GPAT3: variants seen among roughly 807,000 people sequenced by gnomAD.
The protein encoded by GPAT3 is 1-AGP acyltransferase 9.
A neutral mutation model predicts 58.8 loss-of-function variants in GPAT3; 53 were observed. That is an observed-to-expected ratio of 0.90 (90% CI 0.72 to 1.13). GPAT3 has a LOEUF of 1.13. GPAT3 is among the 50% of genes most tolerant of loss of function. The pLI, the probability that GPAT3 is intolerant of heterozygous loss-of-function variation, is 0.00. For synonymous variants in GPAT3, 197 were observed against 187.4 expected (o/e 1.05, Z -0.42); for missense variants, 511 against 527.6 (o/e 0.97, Z 0.31).
At chr4:83,541,752 C>T (rs562080002) in intron 1 of GPAT3, among the ~76,000 whole-genome samples, 41 of 152,290 alleles carry the variant, frequency 2.7e-4, no homozygotes, top group Admixed American at 7.2e-4. Context: ...AATTTATTTT[C>T]TCAGTTCTTG....
intron 3 of GPAT3, 67 bp downstream of exon 3, chr4:83,581,899 A>G (rs1726150541): frequency 2.6e-6 from 4 of 1,540,016 alleles, no homozygotes; most frequent in South Asian, 2.6e-5. Context: ...CATGTACATA[A>G]TGGCCACGTA....
intron 6 of GPAT3, among the ~76,000 whole-genome samples, chr4:83,590,642 C>T (rs1726560811): frequency 6.6e-6 from 1 of 152,108 alleles, no homozygotes; most frequent in African/African-American, 2.4e-5. Context: ...TGCACATATC[C>T]CCTAGCCAGC....
chr4:83,539,854 C>A (rs759521897), intron 1 of GPAT3, among the ~76,000 whole-genome samples: 4 of 152,078 alleles, frequency 2.6e-5, no homozygotes, highest in South Asian at 2.1e-4. Flanking sequence ...TTTAGGAATA[C>A]AAATTATGAA....
In GPAT3 at chr4:83,552,760, C is replaced by A. The variant is rs79884372; in HGVS notation, c.208+8158C>A. On this transcript the variant is annotated intron_variant, in intron 2 of 11. Transcript: ENST00000264409. ...TATGGACTGAATGTCTATGTCCCCC[C>A]CTTCCCAAATTGATATGTTGATATG... Among the ~76,000 whole-genome samples the A allele has an allele frequency of 6.3e-3, 953 of 152,280 alleles. 2 individuals carry two copies. The highest frequency in any genetic ancestry group is 0.01 in the Middle Eastern group (3 of 294).
At chr4:83,593,792 A>G (rs1358650756) in intron 6 of GPAT3, among the ~76,000 whole-genome samples, 2 of 152,094 alleles carry the variant, frequency 1.3e-5, no homozygotes, top group Admixed American at 6.6e-5. Context: ...CCTTCCTTCA[A>G]TGCTGTTCTT....
chr4:83,581,748 T>C lies in GPAT3; in HGVS notation c.395T>C (p.Val132Ala). The change falls in exon 3 of 12, where the codon GTA becomes GCA. Residue 132 changes from valine (V) to alanine (A), a missense_variant. By Grantham distance (64) the Val-to-Ala change is moderately conservative. Coordinates refer to ENST00000264409, the MANE Select transcript of GPAT3 (RefSeq NM_032717.5). ...VSWNLLTRTN[V>A]NFQYISLRLT... is the part of the protein sequence containing the mutation. ...TGGAATCTCCTCACAAGAACCAATG[T>C]AAATTTCCAGTACATCAGTCTGCGG... is the stretch of plus-strand genomic sequence containing the variant. 6.2e-7 allele frequency: 1 copy of C among 1,614,208 alleles called. No homozygotes were observed.
intron 3 of GPAT3, among the ~76,000 whole-genome samples, chr4:83,582,633 C>T (rs75298336): frequency 7.5e-4 from 114 of 152,322 alleles, no homozygotes; most frequent in Middle Eastern, 3.4e-3. Flanking sequence ...GCAGTGGCTA[C>T]CTGCCAACTA....
intron 1 of GPAT3, among the ~76,000 whole-genome samples, chr4:83,537,158 G>C (rs1281753406): frequency 1.3e-5 from 2 of 152,160 alleles, no homozygotes; most frequent in East Asian, 3.8e-4. Context: ...GGTTTCAGAG[G>C]TCCTTTTGTG....
intron 2 of GPAT3, among the ~76,000 whole-genome samples, chr4:83,551,791 C>T (rs1001762506): frequency 8.2e-5 from 5 of 60,954 alleles, no homozygotes; most frequent in Admixed American, 1.6e-4. Context: ...GACTCCATCT[C>T]GGAAAAAAAA....
chr4:83,579,932 G>A (rs1302108527), intron 2 of GPAT3, among the ~76,000 whole-genome samples: 1 of 152,102 alleles, frequency 6.6e-6, no homozygotes, highest in African/African-American at 2.4e-5. Context: ...TGATTTCCTA[G>A]TAAACTGGAA....
chr4:83,563,544 C>T (rs979992105), intron 2 of GPAT3, among the ~76,000 whole-genome samples: 3 of 135,404 alleles, frequency 2.2e-5, no homozygotes, highest in Non-Finnish European at 4.6e-5. Flanking sequence ...TGCAATGGTG[C>T]GATCTCAGAT....
At chr4:83,602,887 A>G (rs1727110972) in intron 11 of GPAT3, among the ~76,000 whole-genome samples, 1 of 152,256 alleles carries the variant, frequency 6.6e-6, no homozygotes, top group Non-Finnish European at 1.5e-5. Flanking sequence ...ACAACAATTT[A>G]TAATCTTGTT....
At chr4:83,559,405 C>G (rs924767187) in intron 2 of GPAT3, among the ~76,000 whole-genome samples, 14 of 152,066 alleles carry the variant, frequency 9.2e-5, no homozygotes, top group African/African-American at 3.1e-4. Context: ...CTCACTGCAA[C>G]CCCTGCTTCC....
At chr4:83,565,508 TG>T (rs1357290681) in intron 2 of GPAT3, among the ~76,000 whole-genome samples, 5 of 152,272 alleles carry the variant, frequency 3.3e-5, no homozygotes, top group Middle Eastern at 3.4e-3. Flanking sequence ...TTTTTTTGTT[TG>T]TTTTTTTGAG....
At chr4:83,604,231 C>T (rs564859167) in intron 11 of GPAT3, among the ~76,000 whole-genome samples, 1 of 152,046 alleles carries the variant, frequency 6.6e-6, no homozygotes, top group Non-Finnish European at 1.5e-5. Context: ...ACCACCATGC[C>T]CAGCTAATTT....
At chr4:83,577,789 T>C (rs1244246602) in intron 2 of GPAT3, among the ~76,000 whole-genome samples, 1 of 86,904 alleles carries the variant, frequency 1.2e-5, no homozygotes, top group Non-Finnish European at 2.5e-5. Flanking sequence ...TCATTGTGGC[T>C]TTTTTTTTTT....
intron 1 of GPAT3, among the ~76,000 whole-genome samples, chr4:83,544,076 C>T (rs141517378): frequency 2.8e-4 from 42 of 152,326 alleles, no homozygotes; most frequent in African/African-American, 8.4e-4. Context: ...TTACACTTTA[C>T]GCCCTACGTT....
At chr4:83,582,222 C>T (rs17006888) in intron 3 of GPAT3, among the ~76,000 whole-genome samples, 27,939 of 152,224 alleles carry the variant, frequency 0.18, 3,238 homozygotes, top group East Asian at 0.32. Flanking sequence ...AACCCACTGC[C>T]TTTCTTTGCC....
At position 83,536,580 on chromosome 4, in the gene GPAT3, C is replaced by T; in HGVS notation, c.-43C>T. 1 of 1,594,104 alleles carries T rather than the reference C, an allele frequency of 6.3e-7. No homozygotes were observed. The highest frequency in any genetic ancestry group is 8.6e-7 in the Non-Finnish European group (1 of 1,169,152). ...TGGGGACAGGGACTGCTGTGGCGCT[C>T]GGCCCTCCACTGCGGACCTCTCCTG... On this transcript the variant is annotated 5_prime_UTR_variant, in exon 1 of 12. Coordinates refer to ENST00000264409, the MANE Select transcript of GPAT3 (RefSeq NM_032717.5).
Sources: gnomAD v4.1 joint callset for allele counts (sites outside exome capture counted in the v4.1 genomes callset) on GRCh38, gnomAD v4.1.1 for gene constraint, MANE v1.5 for transcripts, NCBI Gene and HGNC (gene_info 2026-07-23, HGNC 2026-07-21) for gene names.